The following PPP1R14C variants were observed in gnomAD, a reference collection of about 807,000 sequenced individuals.
PPP1R14C encodes protein phosphatase 1 regulatory inhibitor subunit 14C.
A neutral mutation model predicts 20.4 loss-of-function variants in PPP1R14C; 16 were observed. The ratio of observed to expected loss-of-function variants is 0.78; its 90% CI spans 0.53 to 1.19. PPP1R14C has a LOEUF of 1.19. Among genes scored for constraint, PPP1R14C ranks in the 50% most tolerant of loss-of-function variants. The pLI, the probability that PPP1R14C is intolerant of heterozygous loss-of-function variation, is 0.00. For missense variants in PPP1R14C, 211 were observed against 220.1 expected, an observed-to-expected ratio of 0.96 and a Z score of 0.26; for synonymous variants, 91 against 91.0, an observed-to-expected ratio of 1.00 and a Z score of 0.00.
intron 1 of PPP1R14C, among the ~76,000 whole-genome samples, chr6:150,186,098 G>T (rs1388751858): frequency 1.3e-5 from 2 of 152,178 alleles, no homozygotes; most frequent in Non-Finnish European, 2.9e-5. Flanking sequence ...GGATGGGTTT[G>T]CGATAAATGG....
intron 1 of PPP1R14C, chr6:150,194,582 TTAAA>T: frequency 1.0e-6 from 1 of 979,134 alleles, no homozygotes; most frequent in Non-Finnish European, 1.2e-6. Context: ...GCAAAAATGA[TTAAA>T]TAGTGTTTTA....
At chr6:150,156,351 TA>T (rs34933204) in intron 1 of PPP1R14C, among the ~76,000 whole-genome samples, 38,256 of 152,242 alleles carry the variant, frequency 0.25, 5,266 homozygotes, top group Middle Eastern at 0.33. Flanking sequence ...AAATACAATG[TA>T]AAAAACTATT....
chr6:150,223,617 T>C (rs1041505311), intron 3 of PPP1R14C, among the ~76,000 whole-genome samples: 1 of 152,236 alleles, frequency 6.6e-6, no homozygotes. Context: ...AAACTTTTCA[T>C]ATGCTTATTT....
intron 1 of PPP1R14C, among the ~76,000 whole-genome samples, chr6:150,189,749 T>G (rs1214260959): frequency 6.6e-6 from 1 of 152,216 alleles, no homozygotes; most frequent in Non-Finnish European, 1.5e-5. Flanking sequence ...GAAACCTTTC[T>G]TCAGACTGAT....
In PPP1R14C at chr6:150,143,360, AG is replaced by A; in HGVS notation, c.171del (p.Gln58ArgfsTer15). The A allele has an allele frequency of 6.2e-7, 1 of 1,608,600 alleles. No homozygotes were observed. The highest frequency in any genetic ancestry group is 1.7e-5 in the Admixed American group (1 of 59,666). Reference sequence around the variant, plus strand: ...CGCCCGTGGCCACGGCGGCCGCTGCAGGGCAGGTTCAGCAGCAACAGCAGCG... The same window carrying A: ...CGCCCGTGGCCACGGCGGCCGCTGCAGGCAGGTTCAGCAGCAACAGCAGCG... ...SAPVATAAAA[G>X]QVQQQQQRRH... On this transcript the variant is annotated frameshift_variant, in exon 1 of 4. Coordinates refer to ENST00000361131, the MANE Select transcript of PPP1R14C (RefSeq NM_030949.3). LOFTEE classifies it high-confidence loss of function. This position sits in a 1 kb window ranked among gnomAD's most constrained non-coding sequence, Gnocchi z 5.6.
chr6:150,213,346 A>AACACAC lies in PPP1R14C; in HGVS notation c.307-1368_307-1363dup, dbSNP rs3049230. ...ACTGGGGTCCTCACTTTTGTGTTGT[A>AACACAC]ACACACACACACACACACACACACA... On this transcript the variant is annotated intron_variant, in intron 1 of 3. Coordinates refer to ENST00000361131, the MANE Select transcript of PPP1R14C (RefSeq NM_030949.3). Among the ~76,000 whole-genome samples, 1,341 of 149,380 alleles carry AACACAC rather than the reference A, an allele frequency of 9.0e-3. 11 individuals are homozygous for AACACAC. The highest frequency in any genetic ancestry group is 0.022 in the African/African-American group (908 of 40,728).
chr6:150,154,759 G>C (rs996986109), intron 1 of PPP1R14C, among the ~76,000 whole-genome samples: 8 of 152,044 alleles, frequency 5.3e-5, no homozygotes, highest in Non-Finnish European at 8.8e-5. Context: ...GCTTGGGTAG[G>C]GACTAGAACG....
chr6:150,165,769 A>G (rs1033197429), intron 1 of PPP1R14C, among the ~76,000 whole-genome samples: 11 of 152,258 alleles, frequency 7.2e-5, no homozygotes, highest in African/African-American at 2.4e-4. Flanking sequence ...AACAGGCCTA[A>G]GAATTAGAGC....
intron 3 of PPP1R14C, among the ~76,000 whole-genome samples, chr6:150,222,967 C>T (rs1778188198): frequency 6.6e-6 from 1 of 151,962 alleles, no homozygotes; most frequent in Admixed American, 6.6e-5. Context: ...CTGGGTTTCA[C>T]CATGTTGGCA....
intron 3 of PPP1R14C, among the ~76,000 whole-genome samples, chr6:150,219,637 C>T (rs1315609057): frequency 6.6e-6 from 1 of 152,154 alleles, no homozygotes; most frequent in Non-Finnish European, 1.5e-5. Context: ...CATCCCTCTG[C>T]CCCCAGACTT....
intron 1 of PPP1R14C, among the ~76,000 whole-genome samples, chr6:150,176,085 C>T (rs1777559271): frequency 6.6e-6 from 1 of 152,160 alleles, no homozygotes; most frequent in African/African-American, 2.4e-5. Flanking sequence ...TGGGGGTTAT[C>T]CCTTGATTAA....
chr6:150,231,884 T>C (rs1778300120), intron 3 of PPP1R14C, among the ~76,000 whole-genome samples: 1 of 152,260 alleles, frequency 6.6e-6, no homozygotes, highest in African/African-American at 2.4e-5. Flanking sequence ...TTATCCATTC[T>C]TCTGTTGATA....
At chr6:150,160,617 A>G (rs1777356595) in intron 1 of PPP1R14C, among the ~76,000 whole-genome samples, 1 of 152,008 alleles carries the variant, frequency 6.6e-6, no homozygotes, top group African/African-American at 2.4e-5. Flanking sequence ...CTCATTGTGT[A>G]GCTACATAAT....
intron 3 of PPP1R14C, among the ~76,000 whole-genome samples, chr6:150,224,345 A>G (rs897995713): frequency 6.6e-6 from 1 of 152,124 alleles, no homozygotes; most frequent in African/African-American, 2.4e-5. Context: ...GTCTTTCTAT[A>G]TAAACCTTAG....
In PPP1R14C at chr6:150,226,677, T is replaced by C. The variant is rs770054956; in HGVS notation, c.423+9821T>C. Among the ~76,000 whole-genome samples the C allele has an allele frequency of 1.5e-4, 23 of 152,308 alleles. No homozygotes were observed. In the Middle Eastern group the frequency reaches 0.024, roughly 158 times the overall value. ...AGATACCTATGCCATTGCTCTTTGA[T>C]AAACATCAGGTTTTTCTTTCCATGC... On this transcript the variant is annotated intron_variant, in intron 3 of 3. Coordinates refer to ENST00000361131, the MANE Select transcript of PPP1R14C (RefSeq NM_030949.3).
intron 1 of PPP1R14C, among the ~76,000 whole-genome samples, chr6:150,179,355 C>T (rs1157563390): frequency 2.7e-5 from 4 of 150,262 alleles, no homozygotes; most frequent in African/African-American, 9.8e-5. Flanking sequence ...TGCACCACTG[C>T]ACTCCAGCCT....
chr6:150,164,884 G>A (rs1474076933), intron 1 of PPP1R14C, among the ~76,000 whole-genome samples: 1 of 152,194 alleles, frequency 6.6e-6, no homozygotes, highest in Non-Finnish European at 1.5e-5. Flanking sequence ...TGAGGGTGGA[G>A]CACTCATGAA....
chr6:150,156,024 C>CAAAAAAAAAAA (rs67908012), intron 1 of PPP1R14C, among the ~76,000 whole-genome samples: 3 of 38,420 alleles, frequency 7.8e-5, no homozygotes, highest in African/African-American at 2.0e-4. Flanking sequence ...GACTCTGTCT[C>CAAAAAAAAAAA]AAAAAAAAAA....
intron 1 of PPP1R14C, among the ~76,000 whole-genome samples, chr6:150,169,707 G>T (rs1777476152): frequency 6.6e-6 from 1 of 152,224 alleles, no homozygotes; most frequent in Non-Finnish European, 1.5e-5. Context: ...AAAGTAGAAT[G>T]AACCAAGGTT....
Sources: allele counts gnomAD v4.1 joint callset (sites outside exome capture counted in the v4.1 genomes callset), GRCh38; gene constraint gnomAD v4.1.1; non-coding constraint Gnocchi (gnomAD v3.1); transcripts MANE v1.5; gene names NCBI Gene and HGNC (gene_info 2026-07-23, HGNC 2026-07-21).